Variants in SUDS3 observed in about 807,000 individuals in gnomAD.
SUDS3 encodes the protein SIN3A corepressor complex component SDS3, also known as sin3 histone deacetylase corepressor complex component SDS3.
A neutral mutation model predicts 53.5 loss-of-function variants in SUDS3; 23 were observed. That is an observed-to-expected ratio of 0.43 (90% CI 0.31 to 0.61). SUDS3 has a LOEUF of 0.61. Ranked by LOEUF, SUDS3 falls within the 20% of genes least tolerant of loss-of-function variation. SUDS3 has a pLI of 0.10. For missense variants in SUDS3, 291 were observed against 405.9 expected, an observed-to-expected ratio of 0.72 and a Z score of 2.43; for synonymous variants, 150 against 148.5, an observed-to-expected ratio of 1.01 and a Z score of -0.08.
At position 118,383,921 on chromosome 12, in the gene SUDS3, A is replaced by C. The variant is rs571261350; in HGVS notation, c.213-91A>C. The C allele has an allele frequency of 7.3e-6, 9 of 1,237,198 alleles. No individual in the cohort carries two copies. The South Asian group carries it at 1.2e-4, about 17-fold the overall frequency. 76.6% of individuals were successfully genotyped at this position (1,237,198 alleles called of 1,614,324 possible). On this transcript the variant is annotated intron_variant, in intron 2 of 11. Transcript: ENST00000543473. ...CCTGAAGGACATTAATGACCTTCCCATAACAGCCCAGCTAATTTCTGTGAG... is the reference window on the plus strand; with the variant it reads ...CCTGAAGGACATTAATGACCTTCCCCTAACAGCCCAGCTAATTTCTGTGAG...
intron 3 of SUDS3, among the ~76,000 whole-genome samples, chr12:118,384,461 G>C (rs777271166): frequency 2.0e-5 from 3 of 152,094 alleles, no homozygotes. Flanking sequence ...TCTCCTTTTT[G>C]CTTGTTACAT....
chr12:118,382,211 T>G (rs1566196129), intron 2 of SUDS3, among the ~76,000 whole-genome samples: 1 of 151,742 alleles, frequency 6.6e-6, no homozygotes, highest in Non-Finnish European at 1.5e-5. Flanking sequence ...GGCTGATTTT[T>G]TTGTTGTTGT....
At chr12:118,398,614 CTTTTTTTTT>C (rs375288763) in intron 6 of SUDS3, among the ~76,000 whole-genome samples, 1 of 113,286 alleles carries the variant, frequency 8.8e-6, no homozygotes, top group African/African-American at 3.4e-5. Flanking sequence ...ATGCAGAAGC[CTTTTTTTTT>C]TTTTTTTTTT....
At chr12:118,391,741 A>G (rs2046170102) in intron 6 of SUDS3, among the ~76,000 whole-genome samples, 1 of 152,212 alleles carries the variant, frequency 6.6e-6, no homozygotes, top group African/African-American at 2.4e-5. Flanking sequence ...AATTACAGAA[A>G]AGGTATTGTC....
chr12:118,384,324 C>T (rs939672953), intron 3 of SUDS3, among the ~76,000 whole-genome samples: 8 of 152,082 alleles, frequency 5.3e-5, no homozygotes, highest in South Asian at 2.1e-4. Context: ...CAATGGAGCA[C>T]GAATTGAACG....
chr12:118,414,318 T>A lies in SUDS3; in HGVS notation c.889-17T>A, dbSNP rs1355979830. 1.9e-6 allele frequency: 3 copies of A among 1,573,066 alleles called. No homozygotes were observed. Among genetic ancestry groups the A allele is most frequent in the African/African-American group, 1.4e-5 (1 of 73,806 alleles). On this transcript the variant is annotated splice_polypyrimidine_tract_variant and intron_variant, in intron 11 of 11. Coordinates refer to ENST00000543473, the MANE Select transcript of SUDS3 (RefSeq NM_022491.3). The stretch of plus-strand genomic sequence containing the variant: ...GTATTTAACTTTTCATCTTGTTCCC[T>A]TTCCTCTCCCCTGCAGATCTGGGTG...
intron 11 of SUDS3, among the ~76,000 whole-genome samples, chr12:118,411,488 C>T (rs984672858): frequency 6.6e-6 from 1 of 151,928 alleles, no homozygotes; most frequent in African/African-American, 2.4e-5. Context: ...TCAACTCCTG[C>T]TTCTTTTTTT....
At chr12:118,400,288 A>G (rs553110780) in intron 6 of SUDS3, among the ~76,000 whole-genome samples, 1 of 152,266 alleles carries the variant, frequency 6.6e-6, no homozygotes, top group African/African-American at 2.4e-5. Flanking sequence ...GAAATTAGTC[A>G]GCTGAGATGA....
chr12:118,406,898 C>A (rs2046313332), intron 10 of SUDS3, among the ~76,000 whole-genome samples: 1 of 140,818 alleles, frequency 7.1e-6, no homozygotes, highest in African/African-American at 2.6e-5. Context: ...CATATGAACA[C>A]TTCATTTTTT....
At chr12:118,380,819 C>G (rs2046051420) in intron 2 of SUDS3, among the ~76,000 whole-genome samples, 3 of 152,282 alleles carry the variant, frequency 2.0e-5, no homozygotes, top group East Asian at 1.9e-4. Flanking sequence ...ATTCTCCTGC[C>G]TCAGCCTCCT....
chr12:118,401,279 C>CTT (rs1259001947), intron 7 of SUDS3, among the ~76,000 whole-genome samples: 1 of 152,142 alleles, frequency 6.6e-6, no homozygotes, highest in Non-Finnish European at 1.5e-5. Flanking sequence ...GTTTCTGTTC[C>CTT]TTTCGAGGAG....
At chr12:118,411,636 T>C (rs1353544788) in intron 11 of SUDS3, among the ~76,000 whole-genome samples, 2 of 152,154 alleles carry the variant, frequency 1.3e-5, no homozygotes, top group South Asian at 2.1e-4. Flanking sequence ...TAGCTGGGAT[T>C]ACAGGCACCC....
intron 6 of SUDS3, among the ~76,000 whole-genome samples, chr12:118,399,537 C>A (rs1048803832): frequency 1.3e-5 from 2 of 151,968 alleles, no homozygotes; most frequent in African/African-American, 2.4e-5. Flanking sequence ...AAGAGTGATA[C>A]ACAAAACGAT....
Position 118,380,197 on chromosome 12 carries a change from C to T in SUDS3, c.178C>T (p.His60Tyr), listed in dbSNP as rs2046043360. The T allele has an allele frequency of 6.2e-7, 1 of 1,609,032 alleles. No individual in the cohort carries two copies. Among genetic ancestry groups the T allele is most frequent in the Non-Finnish European group, 8.5e-7 (1 of 1,177,778 alleles). Residue 60 changes from histidine (H) to tyrosine (Y), a missense_variant, in exon 2 of 12, where the codon CAT becomes TAT. Around this residue, in one of 4 missense-constraint regions of SUDS3, gnomAD observed 149 missense variants for 146.5 expected, o/e 1.02. Transcript: ENST00000543473. The part of the protein sequence containing the change: ...EDASETDLAK[H>Y]DEEDYVEMKE... ...TGCTAGTGAAACTGACCTGGCAAAG[C>T]ATGATGAAGAAGACTATGTAGAAAT... is the stretch of plus-strand genomic sequence containing the variant.
chr12:118,392,626 C>T (rs1340646390), intron 6 of SUDS3, among the ~76,000 whole-genome samples: 7 of 152,146 alleles, frequency 4.6e-5, no homozygotes, highest in East Asian at 1.9e-4. Context: ...CCAGTAGCAC[C>T]GTGGTACCTT....
chr12:118,396,512 C>G (rs183900292), intron 6 of SUDS3, among the ~76,000 whole-genome samples: 3 of 152,226 alleles, frequency 2.0e-5, no homozygotes, highest in East Asian at 1.9e-4. Context: ...CCTTGGCCCC[C>G]CCAAAGTGCT....
rs148398549 is a variant in SUDS3 at position 118,386,926 on chromosome 12, C to T, written c.340+741C>T. 9.1e-3 allele frequency among the ~76,000 whole-genome samples: 1,381 copies of T among 152,288 alleles called. 8 individuals are homozygous for T. Among genetic ancestry groups the T allele is most frequent in the Middle Eastern group, 0.017 (5 of 294 alleles). ...GCGTGTATGTGTTGAATTTTTAACG[C>T]TCATCATCAGCCAGCAGTTTGGGTG... On this transcript the variant is annotated intron_variant, in intron 4 of 11. Coordinates refer to ENST00000543473, the MANE Select transcript of SUDS3 (RefSeq NM_022491.3).
chr12:118,382,905 T>C (rs1046962775), intron 2 of SUDS3, among the ~76,000 whole-genome samples: 41 of 152,048 alleles, frequency 2.7e-4, no homozygotes, highest in African/African-American at 9.4e-4. Context: ...TGACCTCAAG[T>C]GATCCACCCG....
In SUDS3 at chr12:118,384,088, T is replaced by C. The variant is rs1195268700; in HGVS notation, c.268+21T>C. On this transcript the variant is annotated intron_variant, in intron 3 of 11. Transcript: ENST00000543473. ...AGAAGGTTGGTGTGTGATTGAATCC[T>C]GCATTTCTAAATATGCTTCTTAATA... The C allele has an allele frequency of 2.5e-6, 4 of 1,610,876 alleles. No individual in the cohort carries two copies. In the African/African-American group the frequency reaches 5.3e-5, roughly 22 times the overall value.
Sources: gnomAD v4.1 joint callset for allele counts (sites outside exome capture counted in the v4.1 genomes callset) on GRCh38, gnomAD v4.1.1 for gene constraint, gnomAD v4.1.1 regional missense constraint, MANE v1.5 for transcripts, NCBI Gene and HGNC (gene_info 2026-07-23, HGNC 2026-07-21) for gene names.